Variants in ATF3 observed in about 807,000 individuals in gnomAD.
The protein encoded by ATF3 is activating transcription factor 3.
ATF3 carries 10 observed loss-of-function variants against 18.4 expected under a neutral mutation model. That is an observed-to-expected ratio of 0.54 (90% CI 0.34 to 0.92). The LOEUF (loss-of-function observed/expected upper bound fraction) is 0.92. Ranked by LOEUF, ATF3 falls within the 40% of genes least tolerant of loss-of-function variation. The probability of loss-of-function intolerance (pLI) is 0.02; values close to 1 mark genes in which losing one functional copy is unlikely to be tolerated. For missense variants in ATF3, 183 were observed against 222.3 expected, an observed-to-expected ratio of 0.82 and a Z score of 1.12; for synonymous variants, 78 against 87.9, an observed-to-expected ratio of 0.89 and a Z score of 0.63.
intron 1 of ATF3, among the ~76,000 whole-genome samples, chr1:212,595,086 C>T (rs1567710): frequency 0.24 from 36,725 of 152,038 alleles, 4,594 homozygotes; most frequent in East Asian, 0.46. Context: ...ATATCTCAAC[C>T]ACTGAGGATG....
At chr1:212,612,304 G>A (rs528287637) in intron 1 of ATF3, among the ~76,000 whole-genome samples, 52 of 152,154 alleles carry the variant, frequency 3.4e-4, no homozygotes, top group Non-Finnish European at 6.8e-4. Flanking sequence ...GGTAGGGGGC[G>A]GGAGTCATAA....
chr1:212,587,903 A>T (rs534527866), intron 1 of ATF3, among the ~76,000 whole-genome samples: 3 of 148,890 alleles, frequency 2.0e-5, no homozygotes, highest in Non-Finnish European at 4.4e-5. Flanking sequence ...CGGTGCCTGT[A>T]CTTAGTTTAG....
At chr1:212,583,210 G>A (rs1340446537) in intron 1 of ATF3, among the ~76,000 whole-genome samples, 1 of 152,090 alleles carries the variant, frequency 6.6e-6, no homozygotes, top group Non-Finnish European at 1.5e-5. Context: ...GTGTGACTTT[G>A]TTACCTAATT....
intron 1 of ATF3, 54 bp from the exon 2 acceptor site, chr1:212,614,964 T>C: frequency 1.2e-6 from 2 of 1,613,896 alleles, no homozygotes; most frequent in Non-Finnish European, 1.7e-6. Flanking sequence ...GAGGGGGACT[T>C]GATCCCATGC....
chr1:212,575,658 A>C (rs1044191401), intron 1 of ATF3, among the ~76,000 whole-genome samples: 1 of 152,160 alleles, frequency 6.6e-6, no homozygotes, highest in Non-Finnish European at 1.5e-5. Context: ...GTTTTGATGT[A>C]TAGCCTTTGT....
intron 1 of ATF3, among the ~76,000 whole-genome samples, chr1:212,574,627 T>C (rs74138380): frequency 0.03 from 4,504 of 152,198 alleles, 218 homozygotes; most frequent in African/African-American, 0.1. Context: ...TCTTCCTATA[T>C]ATTGTTTTTT....
intron 1 of ATF3, among the ~76,000 whole-genome samples, chr1:212,582,186 C>T (rs767277650): frequency 5.9e-5 from 9 of 152,096 alleles, no homozygotes; most frequent in Admixed American, 1.3e-4. Flanking sequence ...CTTATATTTG[C>T]GATTTATCTG....
At chr1:212,595,131 G>T (rs1039222158) in intron 1 of ATF3, among the ~76,000 whole-genome samples, 1 of 152,168 alleles carries the variant, frequency 6.6e-6, no homozygotes, top group Admixed American at 6.5e-5. Flanking sequence ...CACTCCCAAG[G>T]AGTTCATAAA....
At chr1:212,589,180 G>A (rs1393455369) in intron 1 of ATF3, among the ~76,000 whole-genome samples, 2 of 152,126 alleles carry the variant, frequency 1.3e-5, no homozygotes, top group African/African-American at 4.8e-5. Context: ...CAGCACTCCC[G>A]GGTTGACACA....
At chr1:212,605,969 G>A (rs1654612847), upstream of ATF3, among the ~76,000 whole-genome samples, 1 of 152,230 alleles carries the variant, frequency 6.6e-6, no homozygotes, top group African/African-American at 2.4e-5. Context: ...TTTGCATGGA[G>A]AAGAGTTTTG....
intron 1 of ATF3, among the ~76,000 whole-genome samples, chr1:212,595,545 C>T (rs1433066947): frequency 1.3e-5 from 2 of 152,286 alleles, no homozygotes; most frequent in South Asian, 2.1e-4. Context: ...GCACAGGGAC[C>T]GGAAATGTGC....
intron 1 of ATF3, among the ~76,000 whole-genome samples, chr1:212,575,306 AC>A (rs1664554129): frequency 6.6e-6 from 1 of 152,094 alleles, no homozygotes. Flanking sequence ...AATTTCTGTT[AC>A]TATTATAAAT....
In ATF3 at chr1:212,618,190, A is replaced by G; in HGVS notation, c.304A>G (p.Lys102Glu). ...RRERNKIAAA[K>E]CRNKKKEKTE... ...AGAAAGAAATAAGATTGCAGCTGCAAAGTGCCGAAACAAGAAGAAGGAGAA... is the reference window on the plus strand; with the variant it reads ...AGAAAGAAATAAGATTGCAGCTGCAGAGTGCCGAAACAAGAAGAAGGAGAA... Residue 102 changes from lysine to glutamate, a missense_variant, in exon 3 of 4, where the codon AAG becomes GAG. Coordinates refer to ENST00000341491, the MANE Select transcript of ATF3 (RefSeq NM_001674.4). The surrounding 1 kb of genome is among the most constrained non-coding windows in gnomAD (Gnocchi z 4.4). The G allele has an allele frequency of 6.2e-7, 1 of 1,614,178 alleles. No individual in the cohort carries two copies. Among genetic ancestry groups the G allele is most frequent in the Non-Finnish European group, 8.5e-7 (1 of 1,180,000 alleles).
intron 1 of ATF3, among the ~76,000 whole-genome samples, chr1:212,579,153 G>T (rs781662785): frequency 1.4e-4 from 21 of 151,618 alleles, no homozygotes; most frequent in Non-Finnish European, 2.7e-4. Flanking sequence ...CTGGGATTAC[G>T]GGCATGCACC....
chr1:212,572,101 T>C (rs556436101), intron 1 of ATF3, among the ~76,000 whole-genome samples: 18 of 152,352 alleles, frequency 1.2e-4, no homozygotes, highest in Non-Finnish European at 2.2e-4. Flanking sequence ...CTATTCTATG[T>C]CTTGATATGT....
chr1:212,594,986 A>C (rs11119983), intron 1 of ATF3, among the ~76,000 whole-genome samples: 43,902 of 152,110 alleles, frequency 0.29, 7,408 homozygotes, highest in African/African-American at 0.47. Context: ...TCACAACAAA[A>C]ACTGAGGATA....
At chr1:212,568,734 T>C (rs1203379495) in intron 1 of ATF3, among the ~76,000 whole-genome samples, 1 of 152,166 alleles carries the variant, frequency 6.6e-6, no homozygotes, top group Non-Finnish European at 1.5e-5. Context: ...GATTCTCCGA[T>C]GGGGGTAAAT....
intron 1 of ATF3, among the ~76,000 whole-genome samples, chr1:212,566,803 C>T (rs685330): frequency 1.3e-5 from 2 of 152,002 alleles, no homozygotes; most frequent in African/African-American, 2.4e-5. Context: ...ATTGAGCAGC[C>T]TCCTGGTTCC....
intron 1 of ATF3, among the ~76,000 whole-genome samples, chr1:212,567,921 T>C (rs1188882804): frequency 6.6e-6 from 1 of 152,192 alleles, no homozygotes; most frequent in Non-Finnish European, 1.5e-5. Context: ...AACTGAATAT[T>C]GGAATGGGAA....
Sources: gnomAD v4.1 joint callset for allele counts (sites outside exome capture counted in the v4.1 genomes callset) on GRCh38, gnomAD v4.1.1 for gene constraint, Gnocchi (gnomAD v3.1) non-coding constraint, MANE v1.5 for transcripts, NCBI Gene and HGNC (gene_info 2026-07-23, HGNC 2026-07-21) for gene names.